The following JAKMIP1 variants were observed in gnomAD, a reference collection of about 807,000 sequenced individuals.
JAKMIP1 encodes janus kinase and microtubule-interacting protein 1.
A neutral mutation model predicts 113.0 loss-of-function variants in JAKMIP1; 33 were observed. That is an observed-to-expected ratio of 0.29 (90% CI 0.22 to 0.39). JAKMIP1 has a LOEUF of 0.39. Ranked by LOEUF, JAKMIP1 falls within the 10% of genes least tolerant of loss-of-function variation. The pLI is 1.00. For missense variants in JAKMIP1, 813 were observed against 1,080.5 expected, an observed-to-expected ratio of 0.75 and a Z score of 3.47; for synonymous variants, 480 against 459.9, an observed-to-expected ratio of 1.04 and a Z score of -0.56.
At position 6,179,713 on chromosome 4, in the gene JAKMIP1, C is replaced by G. The variant is rs912304965; in HGVS notation, c.-148+20540G>C. Among the ~76,000 whole-genome samples, 1 of 152,228 alleles carries G rather than the reference C, an allele frequency of 6.6e-6. No individual in the cohort carries two copies. Among genetic ancestry groups the G allele is most frequent in the African/African-American group, 2.4e-5 (1 of 41,450 alleles). On this transcript the variant is annotated intron_variant, in intron 1 of 20. Transcript: ENST00000409021. This position sits in a 1 kb window ranked among gnomAD's most constrained non-coding sequence, Gnocchi z 4.5. The stretch of plus-strand genomic sequence containing the variant: ...CCAAAAGCAACAGCTAAACCAAGAG[C>G]TGCCACTCAAAAGAAGAGACTATTC...
rs1651471778 is a variant in JAKMIP1 at position 6,106,538 on chromosome 4, TC to T, written c.130-572del. ...CGTGCTCCCTCTCTTTCTCCCTCTC[TC>T]CTCTCTCTCTCTCTCTCTTCCTCTC... is the stretch of plus-strand genomic sequence containing the variant. On this transcript the variant is annotated intron_variant, in intron 2 of 20. Transcript: ENST00000409021. This position sits in a 1 kb window ranked among gnomAD's most constrained non-coding sequence, Gnocchi z 5.9. 7.3e-6 allele frequency among the ~76,000 whole-genome samples: 1 copy of T among 137,062 alleles called. No individual in the cohort carries two copies. Among genetic ancestry groups the T allele is most frequent in the East Asian group, 2.0e-4 (1 of 5,112 alleles). 89.9% of individuals were successfully genotyped at this position (137,062 alleles called of 152,430 possible). A position where few individuals can be genotyped will look rare whatever the true frequency, so the allele number is the denominator to read the frequency against.
Position 6,060,502 on chromosome 4 carries a change from C to T in JAKMIP1, c.1566G>A (p.Arg522=), listed in dbSNP as rs1560123959. The T allele has an allele frequency of 3.1e-6, 5 of 1,613,634 alleles. No individual in the cohort carries two copies. Among genetic ancestry groups the T allele is most frequent in the Non-Finnish European group, 4.2e-6 (5 of 1,179,586 alleles). The change falls in exon 11 of 21, where the codon CGG becomes CGA. Residue 522 remains arginine, a synonymous_variant. Transcript: ENST00000409021. ...TLDAEREART[R]EQLQADLLRC... ...TCAGCAGATCAGCTTGTAGCTGCTC[C>T]CGAGTCTGGAAGGGAAAAGACCAGG... is the stretch of plus-strand genomic sequence containing the variant.
chr4:6,035,125 CTCTCTT>C (rs1034871818), intron 19 of JAKMIP1, among the ~76,000 whole-genome samples: 8 of 152,142 alleles, frequency 5.3e-5, no homozygotes, highest in Non-Finnish European at 1.2e-4. Context: ...CTCTCTCTCT[CTCTCTT>C]TCTCTTTCTC....
rs1270084330 is a variant in JAKMIP1, at chr4:6,136,895, T to C, written c.-147-23898A>G. 6.6e-6 allele frequency among the ~76,000 whole-genome samples: 1 copy of C among 152,166 alleles called. No homozygotes were observed. The highest frequency in any genetic ancestry group is 1.9e-4 in the East Asian group (1 of 5,184). ...TAACAGGCATTTAGACACAGTTGCGTTGAAGTTTGGCAAGCGCATGGGATT... is the reference window on the plus strand; with the variant it reads ...TAACAGGCATTTAGACACAGTTGCGCTGAAGTTTGGCAAGCGCATGGGATT... On this transcript the variant is annotated intron_variant, in intron 1 of 20. Transcript: ENST00000409021. This position sits in a 1 kb window ranked among gnomAD's most constrained non-coding sequence, Gnocchi z 5.9.
intron 1 of JAKMIP1, among the ~76,000 whole-genome samples, chr4:6,173,372 G>A (rs1292844983): frequency 6.6e-6 from 1 of 152,170 alleles, no homozygotes; most frequent in Non-Finnish European, 1.5e-5. Flanking sequence ...ATTTCTCTAT[G>A]GGGAGAGAAA....
At chr4:6,028,898 C>A (rs1162627774) in intron 20 of JAKMIP1, among the ~76,000 whole-genome samples, 1 of 152,218 alleles carries the variant, frequency 6.6e-6, no homozygotes, top group Non-Finnish European at 1.5e-5. Context: ...CGTACTCATC[C>A]ACAAACATTT....
intron 1 of JAKMIP1, among the ~76,000 whole-genome samples, chr4:6,170,620 G>A (rs1045377676): frequency 9.0e-5 from 10 of 111,346 alleles, no homozygotes; most frequent in African/African-American, 2.9e-4. Context: ...CACCACCACC[G>A]TTAACATCAA....
intron 1 of JAKMIP1, among the ~76,000 whole-genome samples, chr4:6,144,829 T>C (rs1578374396): frequency 6.6e-6 from 1 of 152,228 alleles, no homozygotes; most frequent in African/African-American, 2.4e-5. Context: ...AAGACAAAGA[T>C]GTCTGTTCTT....
chr4:6,036,956 C>T (rs6446438), intron 18 of JAKMIP1, among the ~76,000 whole-genome samples: 4,496 of 96,818 alleles, frequency 0.046, 96 homozygotes, highest in African/African-American at 0.18. Flanking sequence ...CGGTATCCCT[C>T]CATCACCGAG....
intron 3 of JAKMIP1, among the ~76,000 whole-genome samples, chr4:6,091,768 C>T (rs1281196459): frequency 1.3e-5 from 2 of 152,212 alleles, no homozygotes; most frequent in Non-Finnish European, 1.5e-5. Flanking sequence ...TAAACTGACA[C>T]ACAGCTCTTC....
Position 6,142,546 on chromosome 4 carries a change from T to C in JAKMIP1, c.-147-29549A>G, listed in dbSNP as rs1316270186. ...AATATTACTGGCACTTTTTTTAAGC[T>C]ACCATATCACAATAATCAGAATTCC... On this transcript the variant is annotated intron_variant, in intron 1 of 20. Transcript: ENST00000409021. This position sits in a 1 kb window ranked among gnomAD's most constrained non-coding sequence, Gnocchi z 5.5. 2.6e-5 allele frequency among the ~76,000 whole-genome samples: 4 copies of C among 152,250 alleles called. No individual in the cohort carries two copies. Among genetic ancestry groups the C allele is most frequent in the Non-Finnish European group, 5.9e-5 (4 of 68,052 alleles).
chr4:6,146,645 T>C (rs947041603), intron 1 of JAKMIP1, among the ~76,000 whole-genome samples: 2 of 152,206 alleles, frequency 1.3e-5, no homozygotes, highest in African/African-American at 4.8e-5. Context: ...AATGTGAATG[T>C]ACTTAACACT....
Position 6,088,440 on chromosome 4 carries a change from A to G in JAKMIP1, c.625-2811T>C, listed in dbSNP as rs1193335250. ...CTGCCTTCCACTAGCTCCCCACAAA[A>G]GACAGCACCGTCGCGAGCAAGACAT... is the stretch of plus-strand genomic sequence containing the variant. On this transcript the variant is annotated intron_variant, in intron 3 of 20. Transcript: ENST00000409021. This position sits in a 1 kb window ranked among gnomAD's most constrained non-coding sequence, Gnocchi z 5.5. Among the ~76,000 whole-genome samples, 1 of 152,154 alleles carries G rather than the reference A, an allele frequency of 6.6e-6. No homozygotes were observed. Among genetic ancestry groups the G allele is most frequent in the Non-Finnish European group, 1.5e-5 (1 of 68,032 alleles).
Position 6,167,494 on chromosome 4 carries a change from A to T in JAKMIP1, c.-148+32759T>A, listed in dbSNP as rs1723779026. Among the ~76,000 whole-genome samples, 1 of 152,206 alleles carries T rather than the reference A, an allele frequency of 6.6e-6. No homozygotes were observed. On this transcript the variant is annotated intron_variant, in intron 1 of 20. Transcript: ENST00000409021. The surrounding 1 kb of genome is among the most constrained non-coding windows in gnomAD (Gnocchi z 5.3). Reference sequence around the variant, plus strand: ...AGGACACAGAGAGGGATGGTGTCACAGCTGTGCAACCTGGGCCACTGCAAA... The same window carrying T: ...AGGACACAGAGAGGGATGGTGTCACTGCTGTGCAACCTGGGCCACTGCAAA...
chr4:6,128,147 G>A (rs1346614794), intron 1 of JAKMIP1, among the ~76,000 whole-genome samples: 1 of 152,190 alleles, frequency 6.6e-6, no homozygotes, highest in Non-Finnish European at 1.5e-5. Context: ...ACAGTCATGT[G>A]GTTAGAAAAG....
intron 2 of JAKMIP1, among the ~76,000 whole-genome samples, chr4:6,107,815 C>T (rs745422454): frequency 1.8e-4 from 28 of 152,138 alleles, no homozygotes; most frequent in Non-Finnish European, 3.8e-4. Flanking sequence ...CCTGACTACA[C>T]AACCTTCCAG....
chr4:6,110,149 A>AC (rs1413710365), intron 2 of JAKMIP1, among the ~76,000 whole-genome samples: 1 of 151,942 alleles, frequency 6.6e-6, no homozygotes, highest in Non-Finnish European at 1.5e-5. Context: ...TGAAGTCCTA[A>AC]CCCCCATGAC....
intron 8 of JAKMIP1, among the ~76,000 whole-genome samples, chr4:6,066,729 C>A (rs1023255029): frequency 1.1e-4 from 17 of 152,096 alleles, no homozygotes; most frequent in African/African-American, 4.1e-4. Flanking sequence ...GCCCTCTCTC[C>A]CCCTCTCTCC....
chr4:6,169,604 TGTGTG>T (rs1472431494), intron 1 of JAKMIP1, among the ~76,000 whole-genome samples: 4 of 1,718 alleles, frequency 2.3e-3, no homozygotes, highest in Non-Finnish European at 0.018. Context: ...CCTAGGAAAT[TGTGTG>T]TGTGTGTGTG....
Sources: gnomAD v4.1 joint callset for allele counts (sites outside exome capture counted in the v4.1 genomes callset) on GRCh38, gnomAD v4.1.1 for gene constraint, Gnocchi (gnomAD v3.1) non-coding constraint, MANE v1.5 for transcripts, NCBI Gene and HGNC (gene_info 2026-07-23, HGNC 2026-07-21) for gene names.